CAMTA1: variants seen among roughly 807,000 people sequenced by gnomAD.
The protein encoded by CAMTA1 is calmodulin binding transcription activator 1, also known as calmodulin-binding transcription activator 1.
Under a neutral mutation model 170.9 loss-of-function variants are expected in CAMTA1, and 27 were observed. The ratio of observed to expected loss-of-function variants is 0.16; its 90% CI spans 0.12 to 0.22. The LOEUF is 0.22. Among genes scored for constraint, CAMTA1 ranks in the 10% least tolerant of loss-of-function variants. The pLI, the probability that CAMTA1 is intolerant of heterozygous loss-of-function variation, is 1.00. For missense variants in CAMTA1, 1,619 were observed against 2,217.2 expected (o/e 0.73, Z 5.42); for synonymous variants, 833 against 891.5 (o/e 0.93, Z 1.17).
chr1:7,352,180 G>A (rs533059694), intron 5 of CAMTA1, among the ~76,000 whole-genome samples: 45 of 152,172 alleles, frequency 3.0e-4, no homozygotes, highest in African/African-American at 9.4e-4. Context: ...GGAGGAAGTG[G>A]GCGGGGGGAA....
chr1:7,317,924 T>C (rs1239831322), intron 5 of CAMTA1, among the ~76,000 whole-genome samples: 1 of 152,238 alleles, frequency 6.6e-6, no homozygotes, highest in Non-Finnish European at 1.5e-5. Context: ...TTGATCCTTT[T>C]TAAGCCAAGG....
chr1:7,690,142 A>G (rs1208890174), intron 11 of CAMTA1, among the ~76,000 whole-genome samples: 1 of 147,684 alleles, frequency 6.8e-6, no homozygotes, highest in East Asian at 1.9e-4. Context: ...CAGCCTAGGC[A>G]ACAAGAGCGA....
Position 7,017,969 on chromosome 1 carries a change from G to T in CAMTA1, c.235-73335G>T, listed in dbSNP as rs12043502. ...TGGGCCATGCCTTCCAAGGTTTTTT[G>T]TTTTTTTTTTTCTGAGACATGGTTT... On this transcript the variant is annotated intron_variant, in intron 3 of 22. Transcript: ENST00000303635. Among the ~76,000 whole-genome samples, 60 of 147,900 alleles carry T rather than the reference G, an allele frequency of 4.1e-4. No homozygotes were observed. In the East Asian group the frequency reaches 4.6e-3, roughly 11 times the overall value.
rs1167982410 is a variant in CAMTA1, at chr1:7,063,963, G to T, written c.235-27341G>T. 2.0e-5 allele frequency among the ~76,000 whole-genome samples: 3 copies of T among 152,160 alleles called. No homozygotes were observed. The highest frequency in any genetic ancestry group is 7.2e-5 in the African/African-American group (3 of 41,430). ...TGATTTCTAACAGTTCTGGAGGCTG[G>T]GAAGTCCAAGATTAAGGCACTGGCA... On this transcript the variant is annotated intron_variant, in intron 3 of 22. Coordinates refer to ENST00000303635, the MANE Select transcript of CAMTA1 (RefSeq NM_015215.4). This position sits in a 1 kb window ranked among gnomAD's most constrained non-coding sequence, Gnocchi z 4.3.
intron 5 of CAMTA1, among the ~76,000 whole-genome samples, chr1:7,307,235 G>T (rs34063650): frequency 1.3e-5 from 2 of 151,680 alleles, no homozygotes; most frequent in Non-Finnish European, 1.5e-5. Context: ...TTAAGAACTG[G>T]TTTTCACTAA....
At chr1:6,873,906 C>G (rs75131503) in intron 3 of CAMTA1, 4 of 152,300 alleles carry the variant, frequency 2.6e-5, no homozygotes, top group East Asian at 3.9e-4. Context: ...AGCAAAGTCT[C>G]TGGATATGTT....
At chr1:7,197,265 G>A (rs1655693051) in intron 4 of CAMTA1, among the ~76,000 whole-genome samples, 2 of 152,214 alleles carry the variant, frequency 1.3e-5, no homozygotes, top group South Asian at 4.1e-4. Flanking sequence ...AGGAGATGCT[G>A]ACATTGCTTC....
chr1:6,909,238 A>G (rs1309640183), intron 3 of CAMTA1, among the ~76,000 whole-genome samples: 1 of 152,370 alleles, frequency 6.6e-6, no homozygotes, highest in East Asian at 1.9e-4. Flanking sequence ...TTTAGATGAA[A>G]GGACACACAA....
intron 6 of CAMTA1, among the ~76,000 whole-genome samples, chr1:7,489,225 T>C (rs2093666348): frequency 6.6e-6 from 1 of 152,240 alleles, no homozygotes; most frequent in South Asian, 2.1e-4. Context: ...CTCCCATTTG[T>C]TTCTGTCCCC....
At chr1:7,450,954 G>C (rs997884182) in intron 5 of CAMTA1, among the ~76,000 whole-genome samples, 24 of 152,180 alleles carry the variant, frequency 1.6e-4, no homozygotes, top group African/African-American at 5.6e-4. Flanking sequence ...AGGACAATCT[G>C]TTATTTCCCC....
At chr1:7,398,225 A>C (rs1213990088) in intron 5 of CAMTA1, among the ~76,000 whole-genome samples, 11 of 112,738 alleles carry the variant, frequency 9.8e-5, no homozygotes, top group African/African-American at 1.8e-4. Flanking sequence ...ATATATATAT[A>C]TATATATATA....
At chr1:7,045,147 G>A (rs1015453697) in intron 3 of CAMTA1, among the ~76,000 whole-genome samples, 3 of 152,034 alleles carry the variant, frequency 2.0e-5, no homozygotes, top group East Asian at 1.9e-4. Flanking sequence ...TAAGGACCCC[G>A]AGAAGCCAGC....
At chr1:7,632,288 G>A (rs375660310) in intron 6 of CAMTA1, among the ~76,000 whole-genome samples, 34 of 152,330 alleles carry the variant, frequency 2.2e-4, no homozygotes, top group African/African-American at 7.5e-4. Context: ...TCCGGCTGGC[G>A]GCAGGCAGGC....
intron 5 of CAMTA1, among the ~76,000 whole-genome samples, chr1:7,436,200 G>A (rs1026856078): frequency 1.3e-5 from 2 of 152,248 alleles, no homozygotes; most frequent in African/African-American, 4.8e-5. Flanking sequence ...GAGGGAGCCG[G>A]GCATGGGGAG....
intron 4 of CAMTA1, among the ~76,000 whole-genome samples, chr1:7,134,928 C>A (rs868425995): frequency 1.1e-4 from 17 of 152,092 alleles, no homozygotes; most frequent in Middle Eastern, 3.4e-3. Flanking sequence ...AAACAAATAA[C>A]CTCATTAAAA....
At chr1:6,850,312 A>G (rs1207448264) in intron 3 of CAMTA1, among the ~76,000 whole-genome samples, 2 of 152,216 alleles carry the variant, frequency 1.3e-5, no homozygotes, top group East Asian at 1.9e-4. Flanking sequence ...AGTATTTGCC[A>G]TAGATTTGAC....
chr1:7,178,417 G>C (rs1651405058), intron 4 of CAMTA1, among the ~76,000 whole-genome samples: 1 of 152,136 alleles, frequency 6.6e-6, no homozygotes, highest in African/African-American at 2.4e-5. Flanking sequence ...AATTCTACCT[G>C]ACATCTTCGG....
At chr1:7,337,788 G>T (rs561036630) in intron 5 of CAMTA1, among the ~76,000 whole-genome samples, 1 of 152,274 alleles carries the variant, frequency 6.6e-6, no homozygotes, top group African/African-American at 2.4e-5. Flanking sequence ...CTGCCTCCAG[G>T]CTGCAACCTA....
At chr1:7,707,768 C>G (rs1402097832) in intron 11 of CAMTA1, among the ~76,000 whole-genome samples, 1 of 152,202 alleles carries the variant, frequency 6.6e-6, no homozygotes, top group Non-Finnish European at 1.5e-5. Context: ...TGGGTGATAC[C>G]AATGGGTAGT....
Sources: allele counts gnomAD v4.1 joint callset (sites outside exome capture counted in the v4.1 genomes callset), GRCh38; gene constraint gnomAD v4.1.1; non-coding constraint Gnocchi (gnomAD v3.1); transcripts MANE v1.5; gene names NCBI Gene and HGNC (gene_info 2026-07-23, HGNC 2026-07-21).